The following THSD7B variants were observed in gnomAD, a reference collection of about 807,000 sequenced individuals.
THSD7B encodes the protein thrombospondin type 1 domain containing 7B.
In THSD7B, 138 loss-of-function variants were observed where a neutral mutation model predicts 213.6. The ratio of observed to expected loss-of-function variants is 0.65; its 90% CI spans 0.56 to 0.74. The LOEUF is 0.74. Ranked by LOEUF, THSD7B falls within the 30% of genes least tolerant of loss-of-function variation. The pLI, the probability that THSD7B is intolerant of heterozygous loss-of-function variation, is 0.00. For missense variants in THSD7B, 1,931 were observed against 1,991.5 expected, an observed-to-expected ratio of 0.97 and a Z score of 0.58; for synonymous variants, 742 against 687.0, an observed-to-expected ratio of 1.08 and a Z score of -1.25.
At chr2:137,390,168 C>A (rs531162323) in intron 12 of THSD7B, among the ~76,000 whole-genome samples, 3 of 152,220 alleles carry the variant, frequency 2.0e-5, no homozygotes, top group East Asian at 3.9e-4. Flanking sequence ...AATATTAATT[C>A]TTTTGGTCAT....
intron 17 of THSD7B, among the ~76,000 whole-genome samples, chr2:137,576,182 T>C (rs1169885679): frequency 6.6e-6 from 1 of 152,124 alleles, no homozygotes; most frequent in Non-Finnish European, 1.5e-5. Context: ...ACAGATTTTC[T>C]ATTTATATCT....
At chr2:137,288,230 C>T (rs920393739) in intron 12 of THSD7B, among the ~76,000 whole-genome samples, 12 of 152,054 alleles carry the variant, frequency 7.9e-5, no homozygotes, top group African/African-American at 2.7e-4. Flanking sequence ...TCAGCCTCAC[C>T]GCTACTTGGA....
At chr2:137,483,007 A>G (rs1332622375) in intron 15 of THSD7B, among the ~76,000 whole-genome samples, 1 of 152,218 alleles carries the variant, frequency 6.6e-6, no homozygotes, top group East Asian at 1.9e-4. Flanking sequence ...TTACTAAGTG[A>G]TAGAAGTCAT....
chr2:137,563,711 T>C (rs1681171053), intron 16 of THSD7B, among the ~76,000 whole-genome samples: 1 of 152,176 alleles, frequency 6.6e-6, no homozygotes, highest in South Asian at 2.1e-4. Flanking sequence ...ATGGTTAGTA[T>C]AGTTGATGAA....
intron 15 of THSD7B, among the ~76,000 whole-genome samples, chr2:137,515,767 G>A (rs750308147): frequency 3.9e-5 from 6 of 152,152 alleles, no homozygotes; most frequent in Non-Finnish European, 7.3e-5. Flanking sequence ...GACTCACTGT[G>A]AGTGAGCTGG....
chr2:137,332,484 G>A (rs1337364868), intron 12 of THSD7B, among the ~76,000 whole-genome samples: 1 of 152,118 alleles, frequency 6.6e-6, no homozygotes, highest in Non-Finnish European at 1.5e-5. Context: ...GATTTGCTTT[G>A]TCTTAGATGA....
chr2:137,048,477 A>G (rs16855742), intron 2 of THSD7B, among the ~76,000 whole-genome samples: 14,925 of 152,236 alleles, frequency 0.098, 1,040 homozygotes, highest in African/African-American at 0.19. Context: ...TTCAGGTACA[A>G]ATATACTCCA....
chr2:137,507,561 G>T (rs994690441), intron 15 of THSD7B, among the ~76,000 whole-genome samples: 2 of 152,044 alleles, frequency 1.3e-5, no homozygotes, highest in Non-Finnish European at 2.9e-5. Context: ...TTGTAATAAG[G>T]GCCTGAATTA....
intron 2 of THSD7B, among the ~76,000 whole-genome samples, chr2:137,032,019 T>C (rs1686683828): frequency 6.6e-6 from 1 of 152,038 alleles, no homozygotes; most frequent in African/African-American, 2.4e-5. Flanking sequence ...TTTGTATTTT[T>C]TTGTGGTGAC....
intron 7 of THSD7B, among the ~76,000 whole-genome samples, chr2:137,218,978 T>TCA (rs1278200996): frequency 7.3e-5 from 7 of 95,540 alleles, no homozygotes; most frequent in Non-Finnish European, 1.3e-4. Flanking sequence ...TCAACTGAGT[T>TCA]TGTGAAAAAA....
At chr2:136,930,459 T>TTC (rs1684607974) in intron 2 of THSD7B, among the ~76,000 whole-genome samples, 1 of 152,216 alleles carries the variant, frequency 6.6e-6, no homozygotes, top group South Asian at 2.1e-4. Flanking sequence ...GAAGAAGCTT[T>TTC]AAGACTAAAT....
At chr2:137,572,097 A>T (rs1381065544) in intron 16 of THSD7B, among the ~76,000 whole-genome samples, 1 of 152,188 alleles carries the variant, frequency 6.6e-6, no homozygotes, top group Non-Finnish European at 1.5e-5. Context: ...GCTGGACCTG[A>T]GTAAATGTAT....
In THSD7B at chr2:137,016,621, C is replaced by G. The variant is rs569129846; in HGVS notation, c.140-39799C>G. On this transcript the variant is annotated intron_variant, in intron 2 of 27. Transcript: ENST00000409968. ...GTTATTTAATTCTCATGGGTATTAT[C>G]ATAGTTTATTTCCTTAACACTACTT... Among the ~76,000 whole-genome samples, 13 of 152,270 alleles carry G rather than the reference C, an allele frequency of 8.5e-5. No homozygotes were observed. The South Asian group carries it at 2.7e-3, about 32-fold the overall frequency.
chr2:137,031,719 C>A (rs1686672676), intron 2 of THSD7B, among the ~76,000 whole-genome samples: 1 of 151,736 alleles, frequency 6.6e-6, no homozygotes, highest in Non-Finnish European at 1.5e-5. Context: ...AAAATATATT[C>A]AAAAAGAAGC....
intron 3 of THSD7B, among the ~76,000 whole-genome samples, chr2:137,068,576 A>C (rs189105418): frequency 6.6e-6 from 1 of 152,208 alleles, no homozygotes; most frequent in East Asian, 1.9e-4. Context: ...GGCTCAAATT[A>C]ATCTCTGAAA....
At chr2:137,651,867 T>A (rs1683147286) in intron 21 of THSD7B, among the ~76,000 whole-genome samples, 1 of 152,038 alleles carries the variant, frequency 6.6e-6, no homozygotes, top group Non-Finnish European at 1.5e-5. Context: ...GTTTTTAAGG[T>A]TCCTCTTGTT....
chr2:137,040,684 C>T (rs372961311), intron 2 of THSD7B, among the ~76,000 whole-genome samples: 12 of 152,194 alleles, frequency 7.9e-5, no homozygotes, highest in Middle Eastern at 3.4e-3. Flanking sequence ...TGAGCCACCG[C>T]GCTCAGCAGA....
At chr2:136,921,972 C>G (rs1055966998) in intron 2 of THSD7B, among the ~76,000 whole-genome samples, 3 of 152,182 alleles carry the variant, frequency 2.0e-5, no homozygotes, top group African/African-American at 4.8e-5. Context: ...GTGTTAATTT[C>G]TCCTTAGTTT....
intron 15 of THSD7B, among the ~76,000 whole-genome samples, chr2:137,488,643 A>T (rs1000805589): frequency 1.3e-5 from 2 of 152,210 alleles, no homozygotes; most frequent in Non-Finnish European, 1.5e-5. Flanking sequence ...GTGCATGCAT[A>T]CAACACAGTG....
Sources: allele counts gnomAD v4.1 joint callset (sites outside exome capture counted in the v4.1 genomes callset), GRCh38; gene constraint gnomAD v4.1.1; transcripts MANE v1.5; gene names NCBI Gene and HGNC (gene_info 2026-07-23, HGNC 2026-07-21).